Variants in CBR4 observed in about 807,000 individuals in gnomAD.
CBR4 encodes the protein 3-oxoacyl-[acyl-carrier-protein] reductase.
CBR4 carries 22 observed loss-of-function variants against 21.0 expected under a neutral mutation model. The ratio of observed to expected loss-of-function variants is 1.05; its 90% CI spans 0.75 to 1.50. The LOEUF (loss-of-function observed/expected upper bound fraction) is 1.50. Ranked by LOEUF, CBR4 falls within the 40% of genes most tolerant of loss-of-function variation. CBR4 has a pLI of 0.00. For synonymous variants in CBR4, 100 were observed against 104.4 expected (o/e 0.96, Z 0.26); for missense variants, 302 against 286.3 (o/e 1.05, Z -0.40).
At chr4:168,917,971 C>T (rs888591860) in intron 2 of CBR4, among the ~76,000 whole-genome samples, 5 of 151,940 alleles carry the variant, frequency 3.3e-5, no homozygotes, top group Non-Finnish European at 5.9e-5. Context: ...GAGGCTGAGG[C>T]GGGCGGATCA....
At chr4:168,930,941 C>T (rs1762955358) in intron 2 of CBR4, among the ~76,000 whole-genome samples, 1 of 152,120 alleles carries the variant, frequency 6.6e-6, no homozygotes, top group South Asian at 2.1e-4. Context: ...ATGTACTCTC[C>T]ACCCCTTAGG....
At chr4:168,902,573 C>T (rs1371054298) in intron 2 of CBR4, among the ~76,000 whole-genome samples, 3 of 151,990 alleles carry the variant, frequency 2.0e-5, no homozygotes, top group Non-Finnish European at 2.9e-5. Flanking sequence ...ACCTGGGAGG[C>T]GGAGGTTACA....
chr4:168,938,681 C>T lies in CBR4; in HGVS notation n.170-43916G>A, dbSNP rs759889325. On this transcript the variant is annotated intron_variant and non_coding_transcript_variant, in intron 2 of 3. Coordinates refer to the CBR4 transcript ENST00000509108. ...CTACCATCAGGGAATCCTATAAAAA[C>T]CTCTATGCAAATAAACTAGAAAATC... 6.6e-5 allele frequency among the ~76,000 whole-genome samples: 10 copies of T among 152,152 alleles called. No homozygotes were observed. In the East Asian group the frequency reaches 7.7e-4, roughly 12 times the overall value.
chr4:168,979,478 G>A (rs1011539916), intron 2 of CBR4, among the ~76,000 whole-genome samples: 1 of 152,100 alleles, frequency 6.6e-6, no homozygotes, highest in African/African-American at 2.4e-5. Context: ...CAGCCACCCA[G>A]CCCCCGCCTG....
chr4:168,902,753 T>A (rs371799343), intron 2 of CBR4, among the ~76,000 whole-genome samples: 4 of 152,282 alleles, frequency 2.6e-5, no homozygotes, highest in South Asian at 4.1e-4. Flanking sequence ...AAATATTGTA[T>A]TTAATCAAAA....
intron 1 of CBR4, among the ~76,000 whole-genome samples, 180 bp from the exon 2 acceptor site, chr4:169,007,936 G>A (rs1488642218): frequency 6.6e-6 from 1 of 152,152 alleles, no homozygotes; most frequent in Admixed American, 6.5e-5. Context: ...TGGGATGCGG[G>A]AACAAAGAGG....
chr4:168,960,809 C>T (rs770094846), intron 2 of CBR4, among the ~76,000 whole-genome samples: 9 of 152,168 alleles, frequency 5.9e-5, no homozygotes, highest in Non-Finnish European at 8.8e-5. Context: ...AGAGAGAGTA[C>T]CTCTTACCAA....
intron 2 of CBR4, among the ~76,000 whole-genome samples, chr4:168,961,688 G>C (rs537292590): frequency 6.6e-6 from 1 of 152,234 alleles, no homozygotes; most frequent in South Asian, 2.1e-4. Flanking sequence ...TCAGGAGTTC[G>C]CGACCAGCCA....
At chr4:168,912,175 A>AC (rs1244199705) in intron 2 of CBR4, among the ~76,000 whole-genome samples, 1 of 152,196 alleles carries the variant, frequency 6.6e-6, no homozygotes, top group Non-Finnish European at 1.5e-5. Context: ...TCTTCAAAAC[A>AC]CACAGAACAC....
intron 2 of CBR4, among the ~76,000 whole-genome samples, chr4:168,929,979 A>T (rs1560949685): frequency 6.6e-6 from 1 of 152,202 alleles, no homozygotes; most frequent in Non-Finnish European, 1.5e-5. Context: ...CCCCTAGCTG[A>T]AATTTAGAAT....
At chr4:168,958,547 G>A (rs1300038167) in intron 2 of CBR4, among the ~76,000 whole-genome samples, 1 of 152,160 alleles carries the variant, frequency 6.6e-6, no homozygotes, top group Non-Finnish European at 1.5e-5. Context: ...ATCTTTGTGT[G>A]AACACGTATT....
chr4:168,956,450 T>G (rs1763686629), intron 2 of CBR4, among the ~76,000 whole-genome samples: 1 of 151,012 alleles, frequency 6.6e-6, no homozygotes, highest in South Asian at 2.1e-4. Context: ...ACACAAAAAT[T>G]AGTTACGCAC....
chr4:168,995,643 T>C (rs901822356), intron 4 of CBR4, among the ~76,000 whole-genome samples: 4 of 152,144 alleles, frequency 2.6e-5, no homozygotes, highest in African/African-American at 7.2e-5. Flanking sequence ...TCTGGAAATT[T>C]TGCTCTACTC....
chr4:168,960,316 T>C (rs778589987), intron 2 of CBR4, among the ~76,000 whole-genome samples: 3 of 152,222 alleles, frequency 2.0e-5, no homozygotes, highest in Non-Finnish European at 4.4e-5. Context: ...TCTACTATTA[T>C]TTGAAAGTAC....
chr4:168,944,146 TAA>T (rs1763336275), intron 2 of CBR4, among the ~76,000 whole-genome samples: 1 of 152,112 alleles, frequency 6.6e-6, no homozygotes, highest in Non-Finnish European at 1.5e-5. Context: ...AGTTCACTCA[TAA>T]AGTTTTGAGT....
chr4:168,919,739 G>A (rs1761044155), intron 2 of CBR4, among the ~76,000 whole-genome samples: 1 of 152,080 alleles, frequency 6.6e-6, no homozygotes, highest in Non-Finnish European at 1.5e-5. Flanking sequence ...TAAATTTTCA[G>A]GAAAATAACT....
At chr4:168,947,288 G>T (rs1214170892) in intron 2 of CBR4, among the ~76,000 whole-genome samples, 4 of 151,976 alleles carry the variant, frequency 2.6e-5, no homozygotes, top group Non-Finnish European at 5.9e-5. Context: ...TTTATCTATT[G>T]ATAAAAGCAG....
At chr4:169,002,690 A>G (rs1730557153) in intron 3 of CBR4, among the ~76,000 whole-genome samples, 1 of 152,030 alleles carries the variant, frequency 6.6e-6, no homozygotes, top group African/African-American at 2.4e-5. Flanking sequence ...ATTGAATTAC[A>G]TGCATAACTC....
rs1419662597 is a variant in CBR4, at chr4:168,922,098, TATATACACACAC to T, written n.170-27345_170-27334del. ...AAAGTTTTATATTTATATATATATA[TATATACACACAC>T]ACACACACACACACACACACACACA... On this transcript the variant is annotated intron_variant and non_coding_transcript_variant, in intron 2 of 3. Coordinates refer to the CBR4 transcript ENST00000509108. Among the ~76,000 whole-genome samples the T allele has an allele frequency of 1.0e-2, 1,071 of 107,580 alleles. 15 individuals carry two copies. Among genetic ancestry groups the T allele is most frequent in the African/African-American group, 0.031 (993 of 31,918 alleles). 70.6% of individuals were successfully genotyped at this position (107,580 alleles called of 152,430 possible).
Sources: allele counts gnomAD v4.1 joint callset (sites outside exome capture counted in the v4.1 genomes callset), GRCh38; gene constraint gnomAD v4.1.1; transcripts MANE v1.5; gene names NCBI Gene and HGNC (gene_info 2026-07-23, HGNC 2026-07-21).